TASP1: variants seen among roughly 807,000 people sequenced by gnomAD.
The protein encoded by TASP1 is threonine aspartase 1.
In TASP1, 16 loss-of-function variants were observed where a neutral mutation model predicts 56.6. The observed-to-expected ratio is 0.28, with a 90% CI of 0.19 to 0.43. TASP1 has a LOEUF of 0.43. TASP1 is among the 20% of genes least tolerant of loss of function. TASP1 has a pLI of 1.00. For missense variants in TASP1, 393 were observed against 511.6 expected (o/e 0.77, Z 2.24); for synonymous variants, 179 against 184.2 (o/e 0.97, Z 0.23).
chr20:13,355,939 G>C, the TASP1 span, among the ~76,000 whole-genome samples: 1 of 152,142 alleles, frequency 6.6e-6, no homozygotes, highest in African/African-American at 2.4e-5. Context: ...CCAAAAAATA[G>C]CTATGTTGAT....
At chr20:13,635,828 C>G (rs2049284514) in intron 1 of TASP1, among the ~76,000 whole-genome samples, 1 of 152,206 alleles carries the variant, frequency 6.6e-6, no homozygotes, top group Non-Finnish European at 1.5e-5. Flanking sequence ...CACTCTTGGC[C>G]TAACCAAAAC....
At chr20:13,141,067 G>A in the TASP1 span, among the ~76,000 whole-genome samples, 181 of 152,246 alleles carry the variant, frequency 1.2e-3, 2 homozygotes, top group Admixed American at 0.012. Flanking sequence ...AAAAAAACAG[G>A]GACTAAGTGG....
chr20:13,367,367 T>C, the TASP1 span, among the ~76,000 whole-genome samples: 1 of 152,358 alleles, frequency 6.6e-6, no homozygotes. Context: ...AGATATTCAT[T>C]CCCATTCATC....
At chr20:13,518,802 T>C (rs1273149323) in intron 10 of TASP1, among the ~76,000 whole-genome samples, 1 of 152,042 alleles carries the variant, frequency 6.6e-6, no homozygotes, top group Non-Finnish European at 1.5e-5. Flanking sequence ...AGAACCACCA[T>C]TTGACCCAGC....
the TASP1 span, among the ~76,000 whole-genome samples, chr20:13,253,053 G>A: frequency 1.3e-5 from 2 of 152,160 alleles, no homozygotes; most frequent in Non-Finnish European, 1.5e-5. Context: ...CTTAATTAGA[G>A]ACAGACACAC....
chr20:13,439,241 G>A (rs2043130488), intron 11 of TASP1, among the ~76,000 whole-genome samples: 1 of 152,168 alleles, frequency 6.6e-6, no homozygotes, highest in Admixed American at 6.5e-5. Context: ...CAATAGCAAA[G>A]ACTTGGAACC....
chr20:13,526,269 A>G (rs113288146), intron 10 of TASP1, among the ~76,000 whole-genome samples: 13 of 152,292 alleles, frequency 8.5e-5, no homozygotes, highest in African/African-American at 2.9e-4. Flanking sequence ...ACATCTAGAT[A>G]TGAAAGTAAT....
intron 12 of TASP1, among the ~76,000 whole-genome samples, chr20:13,434,444 T>C (rs1449083204): frequency 6.6e-6 from 1 of 152,104 alleles, no homozygotes; most frequent in Non-Finnish European, 1.5e-5. Context: ...CACTGGTGCT[T>C]GGGTAGAAAC....
At chr20:13,350,752 T>G in the TASP1 span, among the ~76,000 whole-genome samples, 16 of 152,192 alleles carry the variant, frequency 1.1e-4, no homozygotes, top group African/African-American at 3.9e-4. Flanking sequence ...AGTGCAGTGG[T>G]GTGATCATAG....
In TASP1 at chr20:13,638,888, A is replaced by G. The variant is rs926446153; in HGVS notation, c.-75+6T>C. The G allele has an allele frequency of 6.6e-6, 1 of 152,498 alleles. No homozygotes were observed. Among genetic ancestry groups the G allele is most frequent in the Non-Finnish European group, 1.5e-5 (1 of 68,456 alleles). The allele number at this position is 152,498 out of a possible 1,614,324, so 9.4% of individuals were successfully genotyped here. A position where few individuals can be genotyped will look rare whatever the true frequency, so the allele number is the denominator to read the frequency against. ...CGCGGACAGCGTGGGAAAGAGGGAC[A>G]CTCACCCGCTTCAGCCCCGAGCCTT... On this transcript the variant is annotated splice_donor_region_variant and intron_variant, in intron 1 of 13. Transcript: ENST00000337743.
the TASP1 span, among the ~76,000 whole-genome samples, chr20:13,130,224 C>G: frequency 6.6e-6 from 1 of 152,182 alleles, no homozygotes; most frequent in Non-Finnish European, 1.5e-5. Context: ...TTAGCTCACC[C>G]CTTTCTGCAG....
the TASP1 span, among the ~76,000 whole-genome samples, chr20:13,131,114 A>G: frequency 1.8e-4 from 23 of 124,448 alleles, no homozygotes; most frequent in Non-Finnish European, 3.0e-4. Context: ...GTGAGCCCCA[A>G]ACCACACCGA....
intron 1 of TASP1, among the ~76,000 whole-genome samples, chr20:13,635,387 CTT>C (rs34767488): frequency 2.9e-4 from 38 of 129,218 alleles, no homozygotes; most frequent in Admixed American, 7.1e-4. Context: ...TCAGCAATTT[CTT>C]TTTTTTTTTT....
chr20:13,259,289 A>C, the TASP1 span, among the ~76,000 whole-genome samples: 25 of 151,734 alleles, frequency 1.6e-4, no homozygotes, highest in Admixed American at 4.6e-4. Flanking sequence ...TCAAAAAAAA[A>C]AAAACAAAAA....
chr20:13,460,762 G>A (rs1434180367), intron 11 of TASP1, among the ~76,000 whole-genome samples: 3 of 151,878 alleles, frequency 2.0e-5, no homozygotes, highest in Admixed American at 6.6e-5. Flanking sequence ...AAAACTATCC[G>A]GAATCCAATC....
the TASP1 span, among the ~76,000 whole-genome samples, chr20:13,119,856 C>G: frequency 1.3e-5 from 2 of 152,178 alleles, no homozygotes; most frequent in South Asian, 2.1e-4. Flanking sequence ...GCCTGTATCC[C>G]TGATGACTTA....
intron 10 of TASP1, among the ~76,000 whole-genome samples, chr20:13,521,796 A>C (rs557237423): frequency 3.5e-4 from 54 of 152,242 alleles, no homozygotes; most frequent in Non-Finnish European, 3.8e-4. Context: ...AAATTAAATT[A>C]AATTAAATTA....
rs1267340527 is a variant in TASP1, at chr20:13,585,995, CACT to C, written c.403+1252_403+1254del. ...ACTAAAAATGCAAAAATTAGCCAGG[CACT>C]GTGGTGGGTGCCTGTAATCCCAGCT... On this transcript the variant is annotated intron_variant, in intron 5 of 13. Coordinates refer to ENST00000337743, the MANE Select transcript of TASP1 (RefSeq NM_017714.3). Among the ~76,000 whole-genome samples the C allele has an allele frequency of 1.8e-3, 271 of 151,698 alleles. 1 individual carries two copies. Among genetic ancestry groups the C allele is most frequent in the African/African-American group, 6.2e-3 (254 of 41,286 alleles).
intron 11 of TASP1, among the ~76,000 whole-genome samples, chr20:13,455,536 G>A (rs2043800644): frequency 6.6e-6 from 1 of 152,032 alleles, no homozygotes; most frequent in Non-Finnish European, 1.5e-5. Flanking sequence ...GGAGAATGGT[G>A]GAATCACTGA....
Sources: gnomAD v4.1 joint callset for allele counts (sites outside exome capture counted in the v4.1 genomes callset) on GRCh38, gnomAD v4.1.1 for gene constraint, MANE v1.5 for transcripts, NCBI Gene and HGNC (gene_info 2026-07-23, HGNC 2026-07-21) for gene names.